EFHC2: variants seen among roughly 807,000 people sequenced by gnomAD.
The protein encoded by EFHC2 is EF-hand domain-containing family member C2.
Under a neutral mutation model 52.7 loss-of-function variants are expected in EFHC2, and 18 were observed. The ratio of observed to expected loss-of-function variants is 0.34; its 90% CI spans 0.24 to 0.51. The LOEUF (loss-of-function observed/expected upper bound fraction) is 0.51. Among genes scored for constraint, EFHC2 ranks in the 20% least tolerant of loss-of-function variants. The pLI, the probability that EFHC2 is intolerant of heterozygous loss-of-function variation, is 0.97. For missense variants in EFHC2, 513 were observed against 562.5 expected (o/e 0.91, Z 0.89); for synonymous variants, 203 against 204.1 (o/e 0.99, Z 0.04).
In EFHC2 at chrX:44,266,524, G is replaced by A. The variant is rs182077013; in HGVS notation, c.383-5226C>T. Among the ~76,000 whole-genome samples, 19 of 109,386 alleles carry A rather than the reference G, an allele frequency of 1.7e-4. No homozygotes were observed. In the East Asian group the frequency reaches 4.9e-3, roughly 28 times the overall value. The allele number at this position is 109,386 out of a possible 115,157, so 95.0% of individuals were successfully genotyped here. On this transcript the variant is annotated intron_variant, in intron 3 of 14. Coordinates refer to ENST00000420999, the MANE Select transcript of EFHC2 (RefSeq NM_025184.4). ...GCTAATTTTTATATTTTTAGTCGACGAGGTTTTGCTATGTTGGTCAGGCTG... is the reference window on the plus strand; with the variant it reads ...GCTAATTTTTATATTTTTAGTCGACAAGGTTTTGCTATGTTGGTCAGGCTG...
chrX:44,246,484 A>G (rs1342100150), intron 7 of EFHC2, among the ~76,000 whole-genome samples: 1 of 112,470 alleles, frequency 8.9e-6, no homozygotes, highest in Non-Finnish European at 1.9e-5. Context: ...CATAATGCTC[A>G]TGTTATATTA....
chrX:44,278,704 A>T (rs1288558160), intron 2 of EFHC2, among the ~76,000 whole-genome samples: 1 of 111,546 alleles, frequency 9.0e-6, no homozygotes, highest in African/African-American at 3.3e-5. Context: ...TCACATAAGG[A>T]TGAAGAATAA....
intron 4 of EFHC2, among the ~76,000 whole-genome samples, chrX:44,251,597 T>TAAAAAAAAAAAAAA (rs566022760): frequency 8.0e-5 from 1 of 12,555 alleles, no homozygotes; most frequent in Non-Finnish European, 1.5e-4. Context: ...CAATACTCTG[T>TAAAAAAAAAAAAAA]AAAAAAAAAA....
chrX:44,267,059 C>G (rs910911647), intron 3 of EFHC2, among the ~76,000 whole-genome samples: 1 of 111,887 alleles, frequency 8.9e-6, no homozygotes, highest in African/African-American at 3.3e-5. Flanking sequence ...TTCTGAGGAT[C>G]ACTTTCAACT....
intron 11 of EFHC2, among the ~76,000 whole-genome samples, chrX:44,183,521 G>T (rs73481073): frequency 0.012 from 1,396 of 112,189 alleles, 21 homozygotes; most frequent in African/African-American, 0.043. Flanking sequence ...GGTAGAATAT[G>T]TGTCAGAGGA....
intron 11 of EFHC2, among the ~76,000 whole-genome samples, chrX:44,199,061 C>A (rs183890938): frequency 1.5e-3 from 171 of 112,454 alleles, no homozygotes; most frequent in African/African-American, 5.1e-3. Context: ...CATGTTTGTC[C>A]CCTCCAAATC....
chrX:44,291,966 A>G (rs1045830621), intron 2 of EFHC2, among the ~76,000 whole-genome samples: 2 of 111,833 alleles, frequency 1.8e-5, no homozygotes, highest in African/African-American at 6.5e-5. Context: ...ACTGTTTAAA[A>G]TCAGACTTCC....
At chrX:44,322,720 AT>A (rs1349176735) in intron 1 of EFHC2, among the ~76,000 whole-genome samples, 1 of 112,024 alleles carries the variant, frequency 8.9e-6, no homozygotes, top group Non-Finnish European at 1.9e-5. Context: ...AGCATTTATT[AT>A]TTTGTTTTCT....
At chrX:44,175,807 A>G (rs1468362366) in intron 13 of EFHC2, among the ~76,000 whole-genome samples, 2 of 111,635 alleles carry the variant, frequency 1.8e-5, no homozygotes, top group Non-Finnish European at 3.8e-5. Context: ...GTCAGGTTCA[A>G]CAGGAGAACT....
chrX:44,164,050 T>C, intron 13 of EFHC2, 23 bp from the exon 14 acceptor site: 4 of 992,774 alleles, frequency 4.0e-6, no homozygotes, highest in African/African-American at 3.9e-5. Flanking sequence ...TTATAATATA[T>C]AATTTGACTC....
chrX:44,196,504 T>TA (rs1268953465), intron 11 of EFHC2, among the ~76,000 whole-genome samples: 1 of 112,512 alleles, frequency 8.9e-6, no homozygotes, highest in Non-Finnish European at 1.9e-5. Context: ...TAGATAAATA[T>TA]AAAAATACAT....
intron 10 of EFHC2, among the ~76,000 whole-genome samples, chrX:44,231,506 G>A (rs1006023418): frequency 4.6e-5 from 5 of 108,948 alleles, no homozygotes; most frequent in Non-Finnish European, 9.5e-5. Flanking sequence ...CTGCCTCCCG[G>A]TCTGAAGGTC....
rs12839826 is a variant in EFHC2 at position 44,198,514 on chromosome X, T to A, written c.1752-19950A>T. Among the ~76,000 whole-genome samples, 94 of 111,620 alleles carry A rather than the reference T, an allele frequency of 8.4e-4. 1 individual carries two copies. The highest frequency in any genetic ancestry group is 1.1e-3 in the Non-Finnish European group (58 of 53,154). ...TCCCCAGTGTAATTTTAGAGAGTCT[T>A]ATGGCATGGGAGAGAGATTGTGCAT... On this transcript the variant is annotated intron_variant, in intron 11 of 14. Transcript: ENST00000420999.
intron 14 of EFHC2, among the ~76,000 whole-genome samples, chrX:44,160,493 T>G (rs1392852376): frequency 8.9e-6 from 1 of 112,291 alleles, no homozygotes; most frequent in East Asian, 2.8e-4. Flanking sequence ...TCTTTCTTAC[T>G]GTAGGTTGTA....
chrX:44,208,555 G>A (rs968579061), intron 11 of EFHC2, among the ~76,000 whole-genome samples: 2 of 111,458 alleles, frequency 1.8e-5, no homozygotes, highest in African/African-American at 3.3e-5. Context: ...CACTATTTGG[G>A]TGACAAGGTC....
intron 14 of EFHC2, among the ~76,000 whole-genome samples, chrX:44,156,272 T>C (rs1279165686): frequency 8.9e-6 from 1 of 112,501 alleles, no homozygotes; most frequent in Non-Finnish European, 1.9e-5. Flanking sequence ...AGTTATTTTT[T>C]AAGTCTAAGA....
chrX:44,279,471 TTAAA>T lies in EFHC2; in HGVS notation c.232-6639_232-6636del, dbSNP rs1183951190. ...TGCAATAAATAAATCCAAGGACTTT[TTAAA>T]TAAATAAAATAGATAAGATTTTAGA... On this transcript the variant is annotated intron_variant, in intron 2 of 14. Coordinates refer to ENST00000420999, the MANE Select transcript of EFHC2 (RefSeq NM_025184.4). 1.8e-5 allele frequency among the ~76,000 whole-genome samples: 2 copies of T among 111,652 alleles called. 1 individual carries two copies. The highest frequency in any genetic ancestry group is 6.5e-5 in the African/African-American group (2 of 30,736).
chrX:44,204,581 A>G (rs746548156), intron 11 of EFHC2, among the ~76,000 whole-genome samples: 1 of 112,165 alleles, frequency 8.9e-6, no homozygotes, highest in South Asian at 3.7e-4. Flanking sequence ...CAGGAATTTC[A>G]AAATATAGTT....
intron 2 of EFHC2, among the ~76,000 whole-genome samples, chrX:44,297,557 A>G (rs776796703): frequency 4.6e-5 from 5 of 108,884 alleles, no homozygotes; most frequent in African/African-American, 6.7e-5. Flanking sequence ...AACCCCATCT[A>G]TACTAAAAAA....
Sources: allele counts gnomAD v4.1 joint callset (sites outside exome capture counted in the v4.1 genomes callset), GRCh38; gene constraint gnomAD v4.1.1; transcripts MANE v1.5; gene names NCBI Gene and HGNC (gene_info 2026-07-23, HGNC 2026-07-21).